GABRA3: variants seen among roughly 807,000 people sequenced by gnomAD.
The protein encoded by GABRA3 is gamma-aminobutyric acid type A receptor subunit alpha3, also known as gamma-aminobutyric acid receptor subunit alpha-3.
In GABRA3, 10 loss-of-function variants were observed where a neutral mutation model predicts 30.1. The ratio of observed to expected loss-of-function variants is 0.33; its 90% confidence interval spans 0.20 to 0.56. The LOEUF (loss-of-function observed/expected upper bound fraction) is 0.56, where lower values mean the gene tolerates loss of function less well. GABRA3 is among the 20% of genes least tolerant of loss of function. The pLI is 0.89. For missense variants in GABRA3, 233 were observed against 392.0 expected (o/e 0.59, Z 3.42); for synonymous variants, 151 against 146.8 (o/e 1.03, Z -0.21).
At chrX:152,259,304 G>A (rs1938689631) in intron 4 of GABRA3, among the ~76,000 whole-genome samples, 1 of 111,410 alleles carries the variant, frequency 9.0e-6, no homozygotes, top group South Asian at 3.8e-4. Flanking sequence ...TAGGCCACAA[G>A]GGCAGCAACT....
intron 7 of GABRA3, among the ~76,000 whole-genome samples, chrX:152,199,171 CCTGGCTAACAT>C (rs1937435088): frequency 1.8e-5 from 2 of 110,015 alleles, no homozygotes; most frequent in Non-Finnish European, 3.8e-5. Flanking sequence ...TCGAGACCAT[CCTGGCTAACAT>C]GGTGAAACCC....
At chrX:152,214,759 G>A (rs753745833) in intron 6 of GABRA3, among the ~76,000 whole-genome samples, 146 of 110,146 alleles carry the variant, frequency 1.3e-3, no homozygotes, top group African/African-American at 4.5e-3. Context: ...TCTAATCAAT[G>A]TTTATAGTTT....
intron 1 of GABRA3, among the ~76,000 whole-genome samples, chrX:152,394,696 T>C (rs753272911): frequency 2.5e-4 from 28 of 112,646 alleles, no homozygotes; most frequent in African/African-American, 7.7e-4. Flanking sequence ...GTAGTACAAC[T>C]TCAATCACAG....
At chrX:152,172,147 G>T (rs994554898) in intron 9 of GABRA3, among the ~76,000 whole-genome samples, 2 of 111,563 alleles carry the variant, frequency 1.8e-5, no homozygotes, top group African/African-American at 6.5e-5. Context: ...AATGGGCAAA[G>T]GACTTGAGTA....
At chrX:152,368,189 A>G (rs1928708049) in intron 1 of GABRA3, among the ~76,000 whole-genome samples, 1 of 111,439 alleles carries the variant, frequency 9.0e-6, no homozygotes, top group Admixed American at 9.6e-5. Flanking sequence ...AGAATATATT[A>G]TATTATTAAC....
At chrX:152,361,346 G>A (rs188482580) in intron 2 of GABRA3, among the ~76,000 whole-genome samples, 162 of 108,948 alleles carry the variant, frequency 1.5e-3, no homozygotes, top group Middle Eastern at 4.7e-3. Flanking sequence ...AGGCTGAGGC[G>A]GGCGGATCAC....
At chrX:152,417,661 G>T (rs1243101614) in intron 1 of GABRA3, among the ~76,000 whole-genome samples, 2 of 93,069 alleles carry the variant, frequency 2.1e-5, no homozygotes, top group African/African-American at 8.1e-5. Flanking sequence ...TTAAGAAAAT[G>T]TGGCACATAT....
intron 5 of GABRA3, among the ~76,000 whole-genome samples, chrX:152,230,766 G>T (rs1037735264): frequency 9.0e-6 from 1 of 110,728 alleles, no homozygotes; most frequent in Non-Finnish European, 1.9e-5. Context: ...TGCAAGATAT[G>T]AACTTAGACT....
intron 1 of GABRA3, among the ~76,000 whole-genome samples, chrX:152,422,634 G>C (rs886933098): frequency 3.6e-5 from 4 of 111,322 alleles, no homozygotes; most frequent in Non-Finnish European, 7.6e-5. Flanking sequence ...TCTGACTGGA[G>C]AGAGCGAAAT....
chrX:152,403,682 A>G (rs1175305607), intron 1 of GABRA3, among the ~76,000 whole-genome samples: 1 of 110,083 alleles, frequency 9.1e-6, no homozygotes, highest in Non-Finnish European at 1.9e-5. Context: ...CTGATATACT[A>G]TACTTCTTAA....
chrX:152,377,204 G>T (rs1454740982), intron 1 of GABRA3, among the ~76,000 whole-genome samples: 1 of 111,468 alleles, frequency 9.0e-6, no homozygotes, highest in African/African-American at 3.3e-5. Context: ...AATATATTTT[G>T]TACTGTACTC....
intron 3 of GABRA3, among the ~76,000 whole-genome samples, chrX:152,339,529 T>C (rs1276056481): frequency 2.7e-5 from 3 of 111,855 alleles, no homozygotes; most frequent in East Asian, 5.6e-4. Context: ...TATGTTGTAA[T>C]TTTTTTAAAT....
intron 3 of GABRA3, among the ~76,000 whole-genome samples, chrX:152,338,928 T>C (rs1405641560): frequency 8.9e-6 from 1 of 111,935 alleles, no homozygotes; most frequent in African/African-American, 3.2e-5. Flanking sequence ...TTTTGATTAC[T>C]ACAGTTTCAC....
At chrX:152,371,185 C>T (rs1928829689) in intron 1 of GABRA3, among the ~76,000 whole-genome samples, 1 of 111,255 alleles carries the variant, frequency 9.0e-6, no homozygotes, top group Non-Finnish European at 1.9e-5. Flanking sequence ...TCCCACGATC[C>T]TTTTGCACTT....
At chrX:152,218,842 T>A (rs1220019353) in intron 6 of GABRA3, among the ~76,000 whole-genome samples, 1 of 111,203 alleles carries the variant, frequency 9.0e-6, no homozygotes, top group Non-Finnish European at 1.9e-5. Flanking sequence ...TTCCGGAGTT[T>A]GGAGAAAGTT....
intron 1 of GABRA3, chrX:152,394,291 G>T: frequency 3.3e-6 from 1 of 301,195 alleles, no homozygotes; most frequent in Admixed American, 3.5e-5. Flanking sequence ...ATCCATTATT[G>T]TAAATATGAC....
intron 3 of GABRA3, among the ~76,000 whole-genome samples, chrX:152,333,509 T>C (rs1228091309): frequency 8.9e-6 from 1 of 112,002 alleles, no homozygotes; most frequent in Non-Finnish European, 1.9e-5. Flanking sequence ...CTAAAAGAAA[T>C]TGTAGACAAA....
chrX:152,175,962 G>A (rs1297377872), intron 9 of GABRA3, among the ~76,000 whole-genome samples: 1 of 109,825 alleles, frequency 9.1e-6, no homozygotes, highest in Non-Finnish European at 1.9e-5. Context: ...TGCTCAGGAA[G>A]CTGAGGCAGA....
intron 5 of GABRA3, among the ~76,000 whole-genome samples, chrX:152,241,932 A>G (rs924314247): frequency 2.3e-4 from 25 of 111,107 alleles, no homozygotes; most frequent in African/African-American, 7.5e-4. Context: ...TAAACCCGGT[A>G]CCTCAGATGG....
Sources: allele counts gnomAD v4.1 joint callset (sites outside exome capture counted in the v4.1 genomes callset), GRCh38; gene constraint gnomAD v4.1.1; transcripts MANE v1.5; gene names NCBI Gene and HGNC (gene_info 2026-07-23, HGNC 2026-07-21).